DMD: variants seen among roughly 807,000 people sequenced by gnomAD.
DMD encodes dystrophin.
A neutral mutation model predicts 330.1 loss-of-function variants in DMD; 63 were observed. The observed-to-expected ratio is 0.19, with a 90% CI of 0.16 to 0.24. The LOEUF (loss-of-function observed/expected upper bound fraction) is 0.24, where lower values mean the gene tolerates loss of function less well. Among genes scored for constraint, DMD ranks in the 10% least tolerant of loss-of-function variants. The pLI is 1.00. For synonymous variants in DMD, 1,223 were observed against 959.8 expected, an observed-to-expected ratio of 1.27 and a Z score of -5.07; for missense variants, 3,344 against 2,684.1, an observed-to-expected ratio of 1.25 and a Z score of -5.43.
intron 52 of DMD, among the ~76,000 whole-genome samples, chrX:31,721,730 A>C (rs868602589): frequency 7.3e-4 from 57 of 77,957 alleles, no homozygotes; most frequent in South Asian, 2.9e-3. Flanking sequence ...ATATATATAT[A>C]TATATATATA....
In DMD at chrX:32,813,740, G is replaced by A. The variant is rs1363622267; in HGVS notation, c.530+2728C>T. On this transcript the variant is annotated intron_variant, in intron 6 of 78. Coordinates refer to ENST00000357033, the MANE Select transcript of DMD (RefSeq NM_004006.3). ...AATGTAATCCGAAATGGGAGGTGGA[G>A]AAGAGGCGAGAGTAAGAATGTGTGA... 2.7e-5 allele frequency among the ~76,000 whole-genome samples: 3 copies of A among 111,306 alleles called. No homozygotes were observed. In the East Asian group the frequency reaches 8.4e-4, roughly 31 times the overall value.
chrX:31,708,835 G>A (rs1305539368), intron 52 of DMD, among the ~76,000 whole-genome samples: 1 of 112,050 alleles, frequency 8.9e-6, no homozygotes. Flanking sequence ...TTCCATCCCT[G>A]TTCAAACAAT....
At position 32,773,526 on chromosome X, in the gene DMD, T is replaced by A. The variant is rs765017418; in HGVS notation, c.649+35967A>T. ...AACTATATACTTTTTATTTTTTTTT[T>A]TTTTTTTACCTATTTACCACTCCCT... On this transcript the variant is annotated intron_variant, in intron 7 of 78. Coordinates refer to ENST00000357033, the MANE Select transcript of DMD (RefSeq NM_004006.3). Among the ~76,000 whole-genome samples the A allele has an allele frequency of 8.0e-3, 861 of 108,241 alleles. 6 individuals carry two copies. The highest frequency in any genetic ancestry group is 0.027 in the African/African-American group (808 of 29,866). 94.0% of individuals were successfully genotyped at this position (108,241 alleles called of 115,157 possible).
At chrX:32,583,215 G>T (rs1027494256) in intron 13 of DMD, among the ~76,000 whole-genome samples, 8 of 111,834 alleles carry the variant, frequency 7.2e-5, no homozygotes, top group African/African-American at 2.6e-4. Flanking sequence ...CCAGATACAG[G>T]CTGGGCCTGG....
In DMD at chrX:32,870,669, T is replaced by C. The variant is rs760947137; in HGVS notation, c.94-20849A>G. Among the ~76,000 whole-genome samples, 378 of 110,597 alleles carry C rather than the reference T, an allele frequency of 3.4e-3. 2 individuals are homozygous for C. The highest frequency in any genetic ancestry group is 8.2e-3 in the African/African-American group (250 of 30,429). On this transcript the variant is annotated intron_variant, in intron 2 of 78. Coordinates refer to ENST00000357033, the MANE Select transcript of DMD (RefSeq NM_004006.3). ...TGACAAACCTGACAAAAACAAGCAA[T>C]GGGGAAAGGATTCCCTATTTAATAA...
intron 2 of DMD, among the ~76,000 whole-genome samples, chrX:33,017,693 T>A (rs1238819092): frequency 2.7e-5 from 3 of 111,402 alleles, no homozygotes; most frequent in Non-Finnish European, 5.7e-5. Context: ...TGGGCTCACA[T>A]TTTAGAGCTT....
chrX:33,137,183 T>G (rs781113427), intron 1 of DMD, among the ~76,000 whole-genome samples: 1 of 111,250 alleles, frequency 9.0e-6, no homozygotes, highest in Non-Finnish European at 1.9e-5. Context: ...CTCCCAAGAC[T>G]ATTACAATAA....
intron 4 of DMD, among the ~76,000 whole-genome samples, chrX:32,841,144 G>A (rs965395568): frequency 9.0e-6 from 1 of 111,051 alleles, no homozygotes; most frequent in Non-Finnish European, 1.9e-5. Context: ...AGTTACTGCT[G>A]AGGTTAAACA....
intron 51 of DMD, among the ~76,000 whole-genome samples, chrX:31,745,965 C>G (rs1190917491): frequency 1.8e-5 from 2 of 111,410 alleles, no homozygotes; most frequent in Non-Finnish European, 3.8e-5. Flanking sequence ...ATACGTATTG[C>G]TGCACTAGAC....
intron 7 of DMD, among the ~76,000 whole-genome samples, chrX:32,787,193 G>A (rs2075422695): frequency 9.4e-6 from 1 of 106,514 alleles, no homozygotes; most frequent in African/African-American, 3.5e-5. Context: ...CATGACAACT[G>A]TGAATCAATC....
intron 2 of DMD, among the ~76,000 whole-genome samples, chrX:32,894,395 G>A (rs1043104506): frequency 8.9e-6 from 1 of 112,572 alleles, no homozygotes; most frequent in Non-Finnish European, 1.9e-5. Context: ...CTGTAGAAAC[G>A]ATCCAGTGGT....
chrX:31,282,629 G>A (rs902997540), intron 62 of DMD, among the ~76,000 whole-genome samples: 1 of 111,217 alleles, frequency 9.0e-6, no homozygotes, highest in Non-Finnish European at 1.9e-5. Flanking sequence ...CTCTACTTAC[G>A]TTAGCTTTTC....
chrX:32,330,414 C>G (rs778128313), intron 41 of DMD, among the ~76,000 whole-genome samples: 9 of 111,648 alleles, frequency 8.1e-5, no homozygotes, highest in Non-Finnish European at 3.8e-5. Context: ...CTTAAGTAAT[C>G]ATTGAAGAAT....
At chrX:31,196,635 C>T (rs1361323456) in intron 67 of DMD, among the ~76,000 whole-genome samples, 1 of 108,261 alleles carries the variant, frequency 9.2e-6, no homozygotes, top group African/African-American at 3.4e-5. Flanking sequence ...CCATCCTGGC[C>T]AACATGGTGA....
intron 44 of DMD, among the ~76,000 whole-genome samples, chrX:32,213,145 G>A (rs759419104): frequency 2.1e-4 from 23 of 112,041 alleles, no homozygotes; most frequent in African/African-American, 7.5e-4. Flanking sequence ...AGACTCCAAC[G>A]TGCTTCTGCG....
chrX:31,679,347 A>G, intron 53 of DMD, 28 bp downstream of exon 53: 1 of 1,104,979 alleles, frequency 9.0e-7, no homozygotes, highest in Non-Finnish European at 1.2e-6. Flanking sequence ...CCAGTATTTT[A>G]TTTTAAAAAG....
intron 59 of DMD, among the ~76,000 whole-genome samples, chrX:31,476,397 G>GTATATATA (rs373498710): frequency 7.9e-5 from 7 of 88,322 alleles, no homozygotes; most frequent in East Asian, 3.5e-4. Context: ...GTGTGTGTGT[G>GTATATATA]TATATATATA....
At chrX:32,175,352 G>A (rs2096902484) in intron 44 of DMD, among the ~76,000 whole-genome samples, 1 of 110,426 alleles carries the variant, frequency 9.1e-6, no homozygotes, top group Non-Finnish European at 1.9e-5. Context: ...GCCAATCGTG[G>A]GGAGGATTGA....
intron 7 of DMD, among the ~76,000 whole-genome samples, chrX:32,717,571 G>A (rs1569484161): frequency 1.8e-5 from 2 of 112,002 alleles, no homozygotes; most frequent in East Asian, 5.7e-4. Context: ...CTAGGGCAGT[G>A]CAGAAGGGTA....
Sources: gnomAD v4.1 joint callset for allele counts (sites outside exome capture counted in the v4.1 genomes callset) on GRCh38, gnomAD v4.1.1 for gene constraint, MANE v1.5 for transcripts, NCBI Gene and HGNC (gene_info 2026-07-23, HGNC 2026-07-21) for gene names.